The following GPC5 variants were observed in gnomAD, a reference collection of about 807,000 sequenced individuals.
The protein encoded by GPC5 is glypican 5.
In GPC5, 47 loss-of-function variants were observed where a neutral mutation model predicts 53.9. The ratio of observed to expected loss-of-function variants is 0.87; its 90% CI spans 0.69 to 1.11. GPC5 has a LOEUF of 1.11. Ranked by LOEUF, GPC5 falls within the 50% of genes most tolerant of loss-of-function variation. The pLI, the probability that GPC5 is intolerant of heterozygous loss-of-function variation, is 0.00. For synonymous variants in GPC5, 286 were observed against 263.3 expected, an observed-to-expected ratio of 1.09 and a Z score of -0.84; for missense variants, 748 against 713.1, an observed-to-expected ratio of 1.05 and a Z score of -0.56.
chr13:92,131,425 A>C (rs2041742332), intron 6 of GPC5, among the ~76,000 whole-genome samples: 1 of 152,058 alleles, frequency 6.6e-6, no homozygotes, highest in African/African-American at 2.4e-5. Flanking sequence ...ATAGTAGCCC[A>C]AAATTAGAAA....
intron 7 of GPC5, among the ~76,000 whole-genome samples, chr13:92,610,506 G>A (rs1230385395): frequency 1.3e-5 from 2 of 152,184 alleles, no homozygotes; most frequent in Non-Finnish European, 2.9e-5. Flanking sequence ...AAAGGAAAGT[G>A]TCGCACTGAG....
chr13:92,754,645 C>A (rs1245707153), intron 7 of GPC5, among the ~76,000 whole-genome samples: 1 of 150,802 alleles, frequency 6.6e-6, no homozygotes, highest in Admixed American at 6.7e-5. Context: ...ATCTACCAAG[C>A]AAATGGAAAA....
intron 7 of GPC5, among the ~76,000 whole-genome samples, chr13:92,838,671 C>G (rs1341908827): frequency 6.6e-6 from 1 of 151,756 alleles, no homozygotes; most frequent in African/African-American, 2.4e-5. Context: ...AGTTGTCTGA[C>G]AAATAACTTT....
chr13:91,808,472 A>C (rs1230620944), intron 5 of GPC5, among the ~76,000 whole-genome samples: 1 of 152,128 alleles, frequency 6.6e-6, no homozygotes, highest in East Asian at 1.9e-4. Flanking sequence ...AATTTCCTGG[A>C]GTATGCTCTT....
At chr13:91,556,767 T>A (rs1410499990) in intron 2 of GPC5, among the ~76,000 whole-genome samples, 2 of 151,752 alleles carry the variant, frequency 1.3e-5, no homozygotes, top group African/African-American at 4.8e-5. Context: ...GGAGCTAAGC[T>A]ATGAGGATGC....
At chr13:92,626,027 A>G (rs1885034281) in intron 7 of GPC5, among the ~76,000 whole-genome samples, 1 of 152,220 alleles carries the variant, frequency 6.6e-6, no homozygotes, top group Non-Finnish European at 1.5e-5. Context: ...CATTGCAATG[A>G]AAATGTCTCC....
At position 91,849,497 on chromosome 13, in the gene GPC5, A is replaced by AT. The variant is rs11349109; in HGVS notation, c.1281-58431dup. 4.6e-3 allele frequency among the ~76,000 whole-genome samples: 695 copies of AT among 151,458 alleles called. 3 individuals carry two copies. The highest frequency in any genetic ancestry group is 7.8e-3 in the Non-Finnish European group (530 of 67,798). On this transcript the variant is annotated intron_variant, in intron 5 of 7. Transcript: ENST00000377067. ...ATCTAGCCAAATTCTATATTCAGAG[A>AT]TTTTTTTTTGGCCAAACCTCAATAA...
intron 6 of GPC5, among the ~76,000 whole-genome samples, chr13:92,108,800 C>T (rs967966644): frequency 3.3e-5 from 5 of 152,098 alleles, no homozygotes; most frequent in Non-Finnish European, 7.3e-5. Context: ...CCTTTAATAG[C>T]ATCATACTTG....
At chr13:91,661,422 G>A (rs964441288) in intron 2 of GPC5, among the ~76,000 whole-genome samples, 4 of 152,198 alleles carry the variant, frequency 2.6e-5, no homozygotes, top group African/African-American at 7.2e-5. Flanking sequence ...CTGAGTTCAG[G>A]TGCAGCCCCT....
At chr13:92,255,611 T>C (rs1342461170) in intron 7 of GPC5, among the ~76,000 whole-genome samples, 1 of 152,144 alleles carries the variant, frequency 6.6e-6, no homozygotes, top group Non-Finnish European at 1.5e-5. Flanking sequence ...TATTAAGGAA[T>C]AAACACAGTT....
chr13:91,964,226 G>C (rs571950516), intron 6 of GPC5, among the ~76,000 whole-genome samples: 45 of 152,312 alleles, frequency 3.0e-4, no homozygotes, highest in African/African-American at 1.0e-3. Flanking sequence ...GACCCAAAGA[G>C]TGAGCAGCAG....
chr13:92,194,662 G>T lies in GPC5; in HGVS notation c.1561+49673G>T, dbSNP rs150463008. Reference sequence around the variant, plus strand: ...AATCAGTTTCAGTTTGCTGCAGCCTGCAGGTATTCTCAAATGCATCAGAGA... The same window carrying T: ...AATCAGTTTCAGTTTGCTGCAGCCTTCAGGTATTCTCAAATGCATCAGAGA... On this transcript the variant is annotated intron_variant, in intron 7 of 7. Transcript: ENST00000377067. Among the ~76,000 whole-genome samples, 1,254 of 152,312 alleles carry T rather than the reference G, an allele frequency of 8.2e-3. 13 individuals carry two copies. The highest frequency in any genetic ancestry group is 0.044 in the South Asian group (213 of 4,834).
chr13:92,159,598 T>G (rs1280138613), intron 7 of GPC5, among the ~76,000 whole-genome samples: 2 of 126,338 alleles, frequency 1.6e-5, no homozygotes, highest in Non-Finnish European at 3.3e-5. Flanking sequence ...ATGTTCTTTT[T>G]TTTTTTTTTT....
At chr13:91,611,836 C>T (rs939977358) in intron 2 of GPC5, among the ~76,000 whole-genome samples, 1 of 152,172 alleles carries the variant, frequency 6.6e-6, no homozygotes, top group Non-Finnish European at 1.5e-5. Flanking sequence ...TCTCCTGATG[C>T]TCTCTTTTTC....
At position 91,433,651 on chromosome 13, in the gene GPC5, C is replaced by T. The variant is rs539149660; in HGVS notation, c.164-15110C>T. On this transcript the variant is annotated intron_variant, in intron 1 of 7. Coordinates refer to ENST00000377067, the MANE Select transcript of GPC5 (RefSeq NM_004466.6). Reference sequence around the variant, plus strand: ...GTCTTTGCTATTGTGAATAGTGCCACAATAAACATACGTGTGCATGTGTCT... The same window carrying T: ...GTCTTTGCTATTGTGAATAGTGCCATAATAAACATACGTGTGCATGTGTCT... 2.6e-5 allele frequency among the ~76,000 whole-genome samples: 4 copies of T among 152,120 alleles called. No individual in the cohort carries two copies. The East Asian group carries it at 7.7e-4, about 29-fold the overall frequency.
chr13:92,524,388 A>G (rs371141877), intron 7 of GPC5, among the ~76,000 whole-genome samples: 2 of 152,066 alleles, frequency 1.3e-5, no homozygotes, highest in African/African-American at 4.8e-5. Flanking sequence ...GTTATCCTGC[A>G]TTGTATAGGG....
At chr13:92,428,734 A>T (rs1435194230) in intron 7 of GPC5, among the ~76,000 whole-genome samples, 2 of 152,094 alleles carry the variant, frequency 1.3e-5, no homozygotes, top group Non-Finnish European at 2.9e-5. Context: ...CACCTATTTT[A>T]TTCATTCTGA....
At chr13:91,623,847 G>A (rs990506981) in intron 2 of GPC5, among the ~76,000 whole-genome samples, 5 of 152,076 alleles carry the variant, frequency 3.3e-5, no homozygotes, top group African/African-American at 7.2e-5. Flanking sequence ...TGCATGGGAC[G>A]TAAGAGTATT....
At chr13:92,073,434 T>C (rs535095114) in intron 6 of GPC5, among the ~76,000 whole-genome samples, 1 of 152,216 alleles carries the variant, frequency 6.6e-6, no homozygotes, top group Non-Finnish European at 1.5e-5. Flanking sequence ...TTCCAAGGCA[T>C]TAATCAAGCA....
Sources: allele counts gnomAD v4.1 joint callset (sites outside exome capture counted in the v4.1 genomes callset), GRCh38; gene constraint gnomAD v4.1.1; transcripts MANE v1.5; gene names NCBI Gene and HGNC (gene_info 2026-07-23, HGNC 2026-07-21).